AK8: variants seen among roughly 807,000 people sequenced by gnomAD.
AK8 encodes adenylate kinase 8.
A neutral mutation model predicts 54.6 loss-of-function variants in AK8; 44 were observed. The observed-to-expected ratio is 0.81, with a 90% CI of 0.63 to 1.04. The LOEUF is 1.04. AK8 is among the 50% of genes least tolerant of loss of function. The probability of loss-of-function intolerance (pLI) is 0.00; values close to 1 mark genes in which losing one functional copy is unlikely to be tolerated. For missense variants in AK8, 555 were observed against 613.6 expected (o/e 0.90, Z 1.01); for synonymous variants, 239 against 245.6 (o/e 0.97, Z 0.25).
intron 10 of AK8, among the ~76,000 whole-genome samples, chr9:132,800,306 G>C (rs1029835423): frequency 6.6e-6 from 1 of 152,174 alleles, no homozygotes; most frequent in Non-Finnish European, 1.5e-5. Context: ...TGGTGATGCC[G>C]TTTGTTTGTT....
chr9:132,852,487 G>A (rs1017251748), intron 5 of AK8, among the ~76,000 whole-genome samples: 2 of 151,962 alleles, frequency 1.3e-5, no homozygotes, highest in Admixed American at 6.6e-5. Context: ...GCACGTGCCT[G>A]TAATCCCAGC....
intron 4 of AK8, among the ~76,000 whole-genome samples, chr9:132,859,260 G>A (rs1336040817): frequency 2.0e-5 from 3 of 151,710 alleles, no homozygotes; most frequent in Non-Finnish European, 4.4e-5. Context: ...GGCTCACGTT[G>A]TTTTTTTTCT....
Position 132,814,652 on chromosome 9 carries a change from T to G in AK8, c.965A>C (p.Glu322Ala). The G allele has an allele frequency of 6.2e-7, 1 of 1,614,088 alleles. No individual in the cohort carries two copies. The highest frequency in any genetic ancestry group is 8.5e-7 in the Non-Finnish European group (1 of 1,180,014). ...ACGTGGCCTACCTGCCATCTCCTTTTCAAAGAAGGGCTGGATGAGCTCGCC... is the reference window on the plus strand; with the variant it reads ...ACGTGGCCTACCTGCCATCTCCTTTGCAAAGAAGGGCTGGATGAGCTCGCC... ...TFGELIQPFFEKEMAVPDSLL... is the reference protein window; with the variant it reads ...TFGELIQPFFAKEMAVPDSLL... Residue 322 changes from glutamate to alanine, a missense_variant, in exon 10 of 13, where the codon GAA becomes GCA. Transcript: ENST00000298545.
intron 10 of AK8, among the ~76,000 whole-genome samples, chr9:132,793,927 G>T (rs866746351): frequency 2.0e-5 from 3 of 152,180 alleles, no homozygotes; most frequent in Non-Finnish European, 4.4e-5. Flanking sequence ...GACTGCCCGG[G>T]GGTCTGGCAA....
rs1380678525 is a variant in AK8 at position 132,770,824 on chromosome 9, C to T, written c.1121+21810G>A. Among the ~76,000 whole-genome samples the T allele has an allele frequency of 5.3e-5, 8 of 152,172 alleles. No individual in the cohort carries two copies. Among genetic ancestry groups the T allele is most frequent in the Non-Finnish European group, 1.2e-4 (8 of 68,018 alleles). On this transcript the variant is annotated intron_variant, in intron 11 of 12. Transcript: ENST00000298545. The surrounding 1 kb of genome is among the most constrained non-coding windows in gnomAD (Gnocchi z 4.3). Reference sequence around the variant, plus strand: ...GCTCTGGAAGCAGCTGCTGAGTGCACGGCAGACCCCCTGGCATGGGGTTAC... The same window carrying T: ...GCTCTGGAAGCAGCTGCTGAGTGCATGGCAGACCCCCTGGCATGGGGTTAC...
intron 11 of AK8, among the ~76,000 whole-genome samples, chr9:132,782,263 C>T (rs909333385): frequency 6.6e-6 from 1 of 152,036 alleles, no homozygotes; most frequent in Non-Finnish European, 1.5e-5. Flanking sequence ...ATTTTTCCCC[C>T]CAGGCTTCAG....
At chr9:132,796,581 G>A (rs1244079376) in intron 10 of AK8, among the ~76,000 whole-genome samples, 2 of 152,156 alleles carry the variant, frequency 1.3e-5, no homozygotes, top group Non-Finnish European at 2.9e-5. Context: ...GTACATCTCT[G>A]CAATAGAATA....
At chr9:132,807,306 A>G (rs1269853938) in intron 10 of AK8, among the ~76,000 whole-genome samples, 1 of 152,220 alleles carries the variant, frequency 6.6e-6, no homozygotes, top group East Asian at 1.9e-4. Flanking sequence ...GAAAAGCTAC[A>G]GTCTAGCTCA....
At chr9:132,811,951 G>C (rs1480437358) in intron 10 of AK8, among the ~76,000 whole-genome samples, 1 of 152,174 alleles carries the variant, frequency 6.6e-6, no homozygotes, top group Non-Finnish European at 1.5e-5. Context: ...CCCTTCCCTG[G>C]TGTTGGCCGA....
chr9:132,755,016 C>T (rs928384205), intron 11 of AK8, among the ~76,000 whole-genome samples: 2 of 152,114 alleles, frequency 1.3e-5, no homozygotes, highest in Non-Finnish European at 1.5e-5. Flanking sequence ...CCAGGCTGGT[C>T]TCGAACTCCT....
intron 7 of AK8, chr9:132,827,702 G>A (rs1841932589): frequency 2.6e-6 from 1 of 383,764 alleles, no homozygotes; most frequent in African/African-American, 2.1e-5. Flanking sequence ...TTGTCCCAGG[G>A]AGAGGCAGAC....
At chr9:132,754,497 C>T (rs1172929523) in intron 11 of AK8, among the ~76,000 whole-genome samples, 1 of 152,174 alleles carries the variant, frequency 6.6e-6, no homozygotes, top group Non-Finnish European at 1.5e-5. Context: ...AGGATCGGCC[C>T]CATCCCCATC....
At chr9:132,792,595 G>A in intron 11 of AK8, 39 bp downstream of exon 11, 4 of 1,537,754 alleles carry the variant, frequency 2.6e-6, no homozygotes, top group Non-Finnish European at 3.5e-6. Flanking sequence ...GGTGCCCAGG[G>A]GCTTGGCCAG....
In AK8 at chr9:132,826,870, C is replaced by T. The variant is rs1646845590; in HGVS notation, c.741G>A (p.Val247=). The change falls in exon 8 of 13, where the codon GTG becomes GTA. Residue 247 remains valine, a synonymous_variant. Transcript: ENST00000298545. This position sits in a 1 kb window ranked among gnomAD's most constrained non-coding sequence, Gnocchi z 4.5. The stretch of plus-strand genomic sequence containing the variant: ...TGTGTTTACCCTGGTAGAAGACGTC[C>T]ACACATGGCTGGTCAGCACTGATGA... The part of the protein sequence containing the change: ...LKVISADQPC[V]DVFYQALTYV... The T allele has an allele frequency of 1.9e-6, 3 of 1,614,108 alleles. No homozygotes were observed. The highest frequency in any genetic ancestry group is 3.3e-5 in the Admixed American group (2 of 60,012).
At position 132,877,920 on chromosome 9, in the gene AK8, C is replaced by T. The variant is rs1210189716; in HGVS notation, c.84+252G>A. 3 of 888,744 alleles carry T rather than the reference C, an allele frequency of 3.4e-6. No individual in the cohort carries two copies. In the Admixed American group the frequency reaches 6.1e-5, roughly 18 times the overall value. The allele number at this position is 888,744 out of a possible 1,614,324, so 55.1% of individuals were successfully genotyped here. A position where few individuals can be genotyped will look rare whatever the true frequency, so the allele number is the denominator to read the frequency against. The stretch of plus-strand genomic sequence containing the variant: ...AGGCCCGCTGGCGGCACAGCCAGGA[C>T]CAAATCCCGGCTCGAGTGGCCCCCT... On this transcript the variant is annotated intron_variant, in intron 1 of 12. Transcript: ENST00000298545.
intron 11 of AK8, among the ~76,000 whole-genome samples, chr9:132,732,326 C>T (rs1327450085): frequency 6.6e-6 from 1 of 152,040 alleles, no homozygotes; most frequent in African/African-American, 2.4e-5. Context: ...TTATGGCATT[C>T]AGGATTGTAT....
Position 132,860,454 on chromosome 9 carries a change from A to G in AK8, c.333+3211T>C, listed in dbSNP as rs1222828114. 6.6e-6 allele frequency among the ~76,000 whole-genome samples: 1 copy of G among 152,222 alleles called. No individual in the cohort carries two copies. The highest frequency in any genetic ancestry group is 2.4e-5 in the African/African-American group (1 of 41,458). On this transcript the variant is annotated intron_variant, in intron 4 of 12. Transcript: ENST00000298545. The surrounding 1 kb of genome is among the most constrained non-coding windows in gnomAD (Gnocchi z 4.4). ...AAGGGAGTCAGCCAGCATCGTTCACATCTGGCGGACTCGAACGCAGGTAGA... is the reference window on the plus strand; with the variant it reads ...AAGGGAGTCAGCCAGCATCGTTCACGTCTGGCGGACTCGAACGCAGGTAGA...
chr9:132,761,412 GC>G (rs1381398765), intron 11 of AK8, among the ~76,000 whole-genome samples: 1 of 151,922 alleles, frequency 6.6e-6, no homozygotes, highest in Non-Finnish European at 1.5e-5. Flanking sequence ...AGAGGCATGT[GC>G]CACCATGCTC....
intron 5 of AK8, among the ~76,000 whole-genome samples, chr9:132,847,325 C>T (rs1399679666): frequency 6.6e-6 from 1 of 152,234 alleles, no homozygotes; most frequent in Admixed American, 6.5e-5. Context: ...GCGCCATCTC[C>T]ACCGGGCCTT....
Sources: gnomAD v4.1 joint callset for allele counts (sites outside exome capture counted in the v4.1 genomes callset) on GRCh38, gnomAD v4.1.1 for gene constraint, Gnocchi (gnomAD v3.1) non-coding constraint, MANE v1.5 for transcripts, NCBI Gene and HGNC (gene_info 2026-07-23, HGNC 2026-07-21) for gene names.